NIPBL: variants seen among roughly 807,000 people sequenced by gnomAD.
NIPBL encodes the protein nipped-B-like protein.
Under a neutral mutation model 321.8 loss-of-function variants are expected in NIPBL, and 19 were observed. The ratio of observed to expected loss-of-function variants is 0.06; its 90% CI spans 0.04 to 0.09. The LOEUF (loss-of-function observed/expected upper bound fraction) is 0.09, where lower values mean the gene tolerates loss of function less well. NIPBL is among the 10% of genes least tolerant of loss of function. NIPBL has a pLI of 1.00. For synonymous variants in NIPBL, 1,106 were observed against 1,114.1 expected (o/e 0.99, Z 0.14); for missense variants, 2,210 against 3,327.0 (o/e 0.66, Z 8.26).
chr5:36,985,677 C>T lies in NIPBL; in HGVS notation c.2497C>T (p.His833Tyr). 6.2e-7 allele frequency: 1 copy of T among 1,613,908 alleles called. No individual in the cohort carries two copies. Among genetic ancestry groups the T allele is most frequent in the Non-Finnish European group, 8.5e-7 (1 of 1,179,970 alleles). Residue 833 changes from histidine (H) to tyrosine (Y), a missense_variant, in exon 10 of 47, where the codon CAT becomes TAT. Physicochemically the swap from His to Tyr is moderately conservative, Grantham distance 83. Coordinates refer to ENST00000282516, the MANE Select transcript of NIPBL (RefSeq NM_133433.4). ...KSDDRGESERHRGDQSRVRRP... is the reference protein window; with the variant it reads ...KSDDRGESERYRGDQSRVRRP... ...AGATGACAGGGGTGAATCAGAGCGA[C>T]ATCGAGGGGATCAGTCTAGGGTTCG...
chr5:37,000,938 A>T (rs1746724091), intron 13 of NIPBL, 50 bp downstream of exon 13: 1 of 1,583,482 alleles, frequency 6.3e-7, no homozygotes, highest in South Asian at 1.1e-5. Context: ...CTTCAGCTTC[A>T]CATGTCTACT....
At chr5:36,943,584 A>G (rs1269954897) in intron 1 of NIPBL, among the ~76,000 whole-genome samples, 1 of 152,148 alleles carries the variant, frequency 6.6e-6, no homozygotes, top group Non-Finnish European at 1.5e-5. Context: ...GTTTGGGAAG[A>G]GGGAATAAAT....
intron 32 of NIPBL, among the ~76,000 whole-genome samples, chr5:37,034,987 G>A (rs913645850): frequency 3.9e-5 from 6 of 152,158 alleles, no homozygotes; most frequent in African/African-American, 4.8e-5. Flanking sequence ...TACTCCTGCC[G>A]TTAAATAAAA....
At chr5:36,964,320 G>T (rs918780961) in intron 6 of NIPBL, among the ~76,000 whole-genome samples, 4 of 152,022 alleles carry the variant, frequency 2.6e-5, no homozygotes, top group Non-Finnish European at 5.9e-5. Context: ...GAAAAAAGCT[G>T]GAGGCATCAC....
chr5:36,898,678 A>G (rs1479393769), intron 1 of NIPBL, among the ~76,000 whole-genome samples: 1 of 151,838 alleles, frequency 6.6e-6, no homozygotes, highest in African/African-American at 2.4e-5. Context: ...CGCCCACCCA[A>G]TTTTGTATTT....
chr5:36,991,249 G>A (rs544823024), intron 10 of NIPBL, among the ~76,000 whole-genome samples: 65 of 152,062 alleles, frequency 4.3e-4, no homozygotes, highest in Non-Finnish European at 8.2e-4. Flanking sequence ...TTCAAAGCTT[G>A]GTTCATTCGC....
intron 1 of NIPBL, among the ~76,000 whole-genome samples, chr5:36,918,527 G>T (rs1748662135): frequency 6.6e-6 from 1 of 151,912 alleles, no homozygotes; most frequent in Admixed American, 6.6e-5. Flanking sequence ...TTTTTCTCCT[G>T]CCTGATTGCC....
At position 37,033,713 on chromosome 5, in the gene NIPBL, T is replaced by C. The variant is rs1392553564; in HGVS notation, c.5863-2666T>C. Among the ~76,000 whole-genome samples the C allele has an allele frequency of 9.8e-3, 512 of 52,446 alleles. 20 individuals are homozygous for C. Among genetic ancestry groups the C allele is most frequent in the African/African-American group, 0.042 (423 of 10,006 alleles). The allele number at this position is 52,446 out of a possible 152,430, so 34.4% of individuals were successfully genotyped here. A position where few individuals can be genotyped will look rare whatever the true frequency, so the allele number is the denominator to read the frequency against. ...ACACACACACACACACACATATATA[T>C]ATATATATATATATATATTTTTTTT... On this transcript the variant is annotated intron_variant, in intron 32 of 46. Transcript: ENST00000282516.
intron 3 of NIPBL, among the ~76,000 whole-genome samples, chr5:36,956,884 C>T (rs1477825298): frequency 6.6e-6 from 1 of 152,004 alleles, no homozygotes; most frequent in Non-Finnish European, 1.5e-5. Flanking sequence ...CTCGGCCTCC[C>T]AAAGTGCTAG....
intron 29 of NIPBL, 56 bp from the exon 30 acceptor site, chr5:37,024,529 T>C: frequency 1.4e-6 from 2 of 1,464,348 alleles, no homozygotes; most frequent in Non-Finnish European, 1.9e-6. Flanking sequence ...TTTTCTAATT[T>C]CATACACTAG....
At chr5:36,908,820 G>C (rs1747837069) in intron 1 of NIPBL, among the ~76,000 whole-genome samples, 1 of 152,104 alleles carries the variant, frequency 6.6e-6, no homozygotes, top group Non-Finnish European at 1.5e-5. Context: ...AGAAGTAATC[G>C]GTCAGGTGCA....
chr5:36,887,992 C>T (rs1746043554), intron 1 of NIPBL, among the ~76,000 whole-genome samples: 1 of 152,112 alleles, frequency 6.6e-6, no homozygotes, highest in Non-Finnish European at 1.5e-5. Context: ...ACTTCTTTAC[C>T]ATACTTCCAG....
intron 1 of NIPBL, among the ~76,000 whole-genome samples, chr5:36,920,375 A>T (rs1748839816): frequency 6.6e-6 from 1 of 152,244 alleles, no homozygotes; most frequent in Non-Finnish European, 1.5e-5. Context: ...GAAATCATAC[A>T]GGTAGACCTT....
chr5:37,023,183 G>A (rs1183440494), intron 29 of NIPBL, among the ~76,000 whole-genome samples: 1 of 152,154 alleles, frequency 6.6e-6, no homozygotes, highest in Non-Finnish European at 1.5e-5. Context: ...AATCTTGGTT[G>A]AGAAACAAAT....
At chr5:36,886,445 T>A in intron 1 of NIPBL, 4 of 744,688 alleles carry the variant, frequency 5.4e-6, no homozygotes, top group Non-Finnish European at 9.8e-6. Flanking sequence ...CGCTGGATAG[T>A]GGATGGCAGA....
chr5:37,017,739 A>T (rs900559499), intron 24 of NIPBL, among the ~76,000 whole-genome samples: 3 of 151,872 alleles, frequency 2.0e-5, no homozygotes, highest in Non-Finnish European at 2.9e-5. Flanking sequence ...TATGCTCGTA[A>T]TCATATCCAT....
At chr5:36,884,594 C>G (rs148947932) in intron 1 of NIPBL, among the ~76,000 whole-genome samples, 18 of 152,288 alleles carry the variant, frequency 1.2e-4, no homozygotes, top group Non-Finnish European at 2.2e-4. Context: ...ACTCAACCAT[C>G]AGCTCTGTGA....
intron 38 of NIPBL, among the ~76,000 whole-genome samples, chr5:37,048,249 C>CCT (rs1753175058): frequency 6.6e-6 from 1 of 152,078 alleles, no homozygotes; most frequent in Non-Finnish European, 1.5e-5. Context: ...GCCACTAGGC[C>CCT]CTGCTCCCTC....
At chr5:37,040,068 A>G (rs954175752) in intron 34 of NIPBL, among the ~76,000 whole-genome samples, 2 of 152,078 alleles carry the variant, frequency 1.3e-5, no homozygotes, top group Admixed American at 1.3e-4. Flanking sequence ...AACTGGCCCA[A>G]TGTCACAGAG....
Sources: gnomAD v4.1 joint callset for allele counts (sites outside exome capture counted in the v4.1 genomes callset) on GRCh38, gnomAD v4.1.1 for gene constraint, MANE v1.5 for transcripts, NCBI Gene and HGNC (gene_info 2026-07-23, HGNC 2026-07-21) for gene names.